Variants in SRGAP1 observed in about 807,000 individuals in gnomAD.
SRGAP1 encodes the protein SLIT-ROBO Rho GTPase-activating protein 1.
In SRGAP1, 43 loss-of-function variants were observed where a neutral mutation model predicts 121.9. The ratio of observed to expected loss-of-function variants is 0.35; its 90% CI spans 0.28 to 0.46. SRGAP1 has a LOEUF of 0.46. Ranked by LOEUF, SRGAP1 falls within the 20% of genes least tolerant of loss-of-function variation. The pLI is 1.00. For synonymous variants in SRGAP1, 447 were observed against 485.4 expected (o/e 0.92, Z 1.04); for missense variants, 1,102 against 1,350.9 (o/e 0.82, Z 2.89).
chr12:64,016,197 G>A (rs2034396387), intron 3 of SRGAP1, among the ~76,000 whole-genome samples: 1 of 152,146 alleles, frequency 6.6e-6, no homozygotes, highest in South Asian at 2.1e-4. Flanking sequence ...TATAATCCCA[G>A]CACTTTGGGA....
intron 1 of SRGAP1, 123 bp downstream of exon 1, chr12:63,845,006 G>A: frequency 1.0e-6 from 1 of 955,410 alleles, no homozygotes; most frequent in Non-Finnish European, 1.7e-6. Flanking sequence ...CTCGAGCCCT[G>A]TCTGAGCCAC....
At chr12:64,099,641 C>T (rs2036223625) in intron 15 of SRGAP1, among the ~76,000 whole-genome samples, 1 of 152,144 alleles carries the variant, frequency 6.6e-6, no homozygotes, top group Admixed American at 6.6e-5. Context: ...ACCTCTGACC[C>T]AGCTGGAAAG....
intron 3 of SRGAP1, among the ~76,000 whole-genome samples, chr12:64,003,858 G>T (rs1038484738): frequency 6.6e-6 from 1 of 151,990 alleles, no homozygotes; most frequent in Non-Finnish European, 1.5e-5. Context: ...AAGAAGCTCG[G>T]CAAAACCAAA....
At chr12:64,009,584 A>T (rs1048752964) in intron 3 of SRGAP1, among the ~76,000 whole-genome samples, 22 of 152,134 alleles carry the variant, frequency 1.4e-4, no homozygotes, top group African/African-American at 4.8e-4. Flanking sequence ...TTTCACCTGG[A>T]TGTAGAATAC....
intron 18 of SRGAP1, among the ~76,000 whole-genome samples, chr12:64,118,065 G>A (rs535977243): frequency 6.6e-6 from 1 of 152,296 alleles, no homozygotes; most frequent in South Asian, 2.1e-4. Context: ...GAACATAGGA[G>A]TGCTCTTCAA....
intron 1 of SRGAP1, among the ~76,000 whole-genome samples, chr12:63,911,832 A>C (rs1452416823): frequency 6.6e-6 from 1 of 152,222 alleles, no homozygotes; most frequent in East Asian, 1.9e-4. Context: ...ACCCAAAACT[A>C]CTGGCTTCTA....
intron 9 of SRGAP1, 103 bp from the exon 10 acceptor site, chr12:64,080,183 C>T: frequency 3.6e-6 from 3 of 838,344 alleles, no homozygotes; most frequent in Admixed American, 2.7e-5. Flanking sequence ...GAAGAGGTTG[C>T]AGTGAGCCAA....
intron 1 of SRGAP1, among the ~76,000 whole-genome samples, chr12:63,851,654 T>C (rs1290305263): frequency 6.6e-6 from 1 of 150,472 alleles, no homozygotes; most frequent in Non-Finnish European, 1.5e-5. Flanking sequence ...GTGGCGGGAC[T>C]CTCAGGTTCA....
intron 8 of SRGAP1, among the ~76,000 whole-genome samples, chr12:64,067,211 T>TGG (rs2035557079): frequency 1.3e-5 from 2 of 152,204 alleles, no homozygotes; most frequent in Non-Finnish European, 2.9e-5. Flanking sequence ...TATGCCTTTT[T>TGG]AGGCATAATG....
intron 1 of SRGAP1, among the ~76,000 whole-genome samples, chr12:63,890,615 C>T (rs898517225): frequency 2.0e-5 from 3 of 152,008 alleles, no homozygotes; most frequent in East Asian, 3.9e-4. Flanking sequence ...TCCTCTCCTC[C>T]GCAGTGACCA....
At chr12:64,075,780 T>A (rs1197357542) in intron 8 of SRGAP1, among the ~76,000 whole-genome samples, 2 of 152,176 alleles carry the variant, frequency 1.3e-5, no homozygotes, top group Non-Finnish European at 2.9e-5. Context: ...ACTCTTTGCA[T>A]TGTGCATAAC....
intron 10 of SRGAP1, among the ~76,000 whole-genome samples, chr12:64,082,334 C>T (rs989952019): frequency 6.6e-6 from 1 of 152,052 alleles, no homozygotes; most frequent in African/African-American, 2.4e-5. Flanking sequence ...TTCTACATGT[C>T]ATTATTGGAT....
At chr12:63,928,199 G>C (rs529589555) in intron 1 of SRGAP1, among the ~76,000 whole-genome samples, 1 of 152,206 alleles carries the variant, frequency 6.6e-6, no homozygotes, top group South Asian at 2.1e-4. Flanking sequence ...ACTCCTAAAA[G>C]TCACTCTGGG....
chr12:63,878,631 C>T (rs1212296654), intron 1 of SRGAP1, among the ~76,000 whole-genome samples: 3 of 152,150 alleles, frequency 2.0e-5, no homozygotes, highest in South Asian at 4.1e-4. Context: ...CTCTAGAACA[C>T]GGTAGGGATG....
chr12:64,057,904 G>A (rs1156345711), intron 6 of SRGAP1, among the ~76,000 whole-genome samples: 1 of 152,146 alleles, frequency 6.6e-6, no homozygotes, highest in South Asian at 2.1e-4. Flanking sequence ...GTGCAACCCT[G>A]GTGAACGACT....
intron 4 of SRGAP1, among the ~76,000 whole-genome samples, chr12:64,025,629 A>G (rs2034637202): frequency 1.3e-5 from 2 of 152,190 alleles, no homozygotes; most frequent in South Asian, 4.1e-4. Context: ...TCTTTGGAAT[A>G]CCACATTCTC....
In SRGAP1 at chr12:64,053,351, G is replaced by A. The variant is rs1366611552; in HGVS notation, c.802-9566G>A. On this transcript the variant is annotated intron_variant, in intron 6 of 21. Transcript: ENST00000355086. ...AGTCAGACTTTCTTTACCTTACCAAGCTGCGGGCTGGATTTGGCTCATAGG... is the reference window on the plus strand; with the variant it reads ...AGTCAGACTTTCTTTACCTTACCAAACTGCGGGCTGGATTTGGCTCATAGG... Among the ~76,000 whole-genome samples the A allele has an allele frequency of 3.3e-5, 5 of 152,156 alleles. No individual in the cohort carries two copies. In the East Asian group the frequency reaches 7.7e-4, roughly 23 times the overall value.
chr12:63,912,033 C>G (rs887617949), intron 1 of SRGAP1, among the ~76,000 whole-genome samples: 1 of 152,094 alleles, frequency 6.6e-6, no homozygotes, highest in Non-Finnish European at 1.5e-5. Context: ...TGTACTTGGT[C>G]TCACTTTTGC....
chr12:64,080,172 G>A, intron 9 of SRGAP1, 114 bp from the exon 10 acceptor site: 2 of 750,380 alleles, frequency 2.7e-6, no homozygotes, highest in East Asian at 5.8e-5. Context: ...GAACCCCAGA[G>A]GAAGAGGTTG....
Sources: gnomAD v4.1 joint callset for allele counts (sites outside exome capture counted in the v4.1 genomes callset) on GRCh38, gnomAD v4.1.1 for gene constraint, MANE v1.5 for transcripts, NCBI Gene and HGNC (gene_info 2026-07-23, HGNC 2026-07-21) for gene names.